Variants in MGAT4C observed in about 807,000 individuals in gnomAD.
MGAT4C encodes the protein alpha-1,3-mannosyl-glycoprotein 4-beta-N-acetylglucosaminyltransferase C.
In MGAT4C, 19 loss-of-function variants were observed where a neutral mutation model predicts 40.1. The observed-to-expected ratio is 0.47, with a 90% CI of 0.33 to 0.70. The LOEUF (loss-of-function observed/expected upper bound fraction) is 0.70. Ranked by LOEUF, MGAT4C falls within the 30% of genes least tolerant of loss-of-function variation. The pLI is 0.02. For synonymous variants in MGAT4C, 181 were observed against 187.1 expected (o/e 0.97, Z 0.27); for missense variants, 491 against 563.2 (o/e 0.87, Z 1.30).
chr12:86,463,834 C>A (rs1220373862), intron 2 of MGAT4C, among the ~76,000 whole-genome samples: 1 of 152,006 alleles, frequency 6.6e-6, no homozygotes, highest in African/African-American at 2.4e-5. Context: ...TCCATTTCTA[C>A]TGGGGATATT....
At chr12:86,078,666 G>A (rs1306081294) in intron 1 of MGAT4C, among the ~76,000 whole-genome samples, 1 of 152,174 alleles carries the variant, frequency 6.6e-6, no homozygotes. Flanking sequence ...GATGTAGCCA[G>A]GTCAGCCTTG....
intron 1 of MGAT4C, among the ~76,000 whole-genome samples, chr12:86,743,116 ATGTGTGTGTGTGTGTG>A (rs60215418): frequency 1.2e-4 from 18 of 144,486 alleles, no homozygotes; most frequent in African/African-American, 4.6e-4. Context: ...GTGTGTATGC[ATGTGTGTGTGTGTGTG>A]TGTGTGTGTG....
At chr12:86,751,129 C>G (rs1400289649) in intron 1 of MGAT4C, among the ~76,000 whole-genome samples, 1 of 152,094 alleles carries the variant, frequency 6.6e-6, no homozygotes, top group East Asian at 1.9e-4. Flanking sequence ...GGGTTCATCA[C>G]TGGTTTGAAA....
At chr12:86,709,798 A>T (rs914565643) in intron 2 of MGAT4C, among the ~76,000 whole-genome samples, 7 of 152,026 alleles carry the variant, frequency 4.6e-5, no homozygotes, top group African/African-American at 1.7e-4. Context: ...AATTATAATC[A>T]CCCTGAAGAG....
chr12:86,017,208 G>T (rs1003301572), intron 2 of MGAT4C, among the ~76,000 whole-genome samples: 1 of 152,144 alleles, frequency 6.6e-6, no homozygotes, highest in Non-Finnish European at 1.5e-5. Context: ...GTTTGAGTGT[G>T]TGTGTGTATG....
At chr12:86,053,990 G>C (rs1243090123) in intron 1 of MGAT4C, among the ~76,000 whole-genome samples, 1 of 151,936 alleles carries the variant, frequency 6.6e-6, no homozygotes, top group African/African-American at 2.4e-5. Flanking sequence ...TACACTGATG[G>C]TGGGGATGTA....
chr12:86,597,553 T>C (rs1439985158), intron 2 of MGAT4C, among the ~76,000 whole-genome samples: 1 of 152,204 alleles, frequency 6.6e-6, no homozygotes, highest in Non-Finnish European at 1.5e-5. Context: ...TTAACTTTTG[T>C]ATAGATAATA....
intron 1 of MGAT4C, among the ~76,000 whole-genome samples, chr12:86,155,695 C>T (rs1884850132): frequency 6.6e-6 from 1 of 151,914 alleles, no homozygotes; most frequent in Non-Finnish European, 1.5e-5. Context: ...TAGGTGAAAA[C>T]AATTATTTAT....
At chr12:86,750,736 T>C (rs764552891) in intron 1 of MGAT4C, among the ~76,000 whole-genome samples, 2 of 151,946 alleles carry the variant, frequency 1.3e-5, no homozygotes, top group South Asian at 2.1e-4. Context: ...CAAGTCGATA[T>C]AGAACAAGGA....
At chr12:86,540,117 A>T (rs930209752) in intron 2 of MGAT4C, among the ~76,000 whole-genome samples, 4 of 152,142 alleles carry the variant, frequency 2.6e-5, no homozygotes, top group African/African-American at 9.7e-5. Context: ...CCTGAATGGT[A>T]ATGCCTAGGT....
intron 2 of MGAT4C, among the ~76,000 whole-genome samples, chr12:86,483,786 G>C (rs1055773794): frequency 2.0e-5 from 3 of 147,630 alleles, no homozygotes; most frequent in Admixed American, 6.9e-5. Context: ...TGCCTTTCCA[G>C]CCATTCTCCC....
At chr12:86,339,399 A>C (rs958232070) in intron 3 of MGAT4C, among the ~76,000 whole-genome samples, 3 of 152,194 alleles carry the variant, frequency 2.0e-5, no homozygotes, top group African/African-American at 7.2e-5. Context: ...TGATGATATC[A>C]GAGTAGCTTC....
upstream of MGAT4C, among the ~76,000 whole-genome samples, chr12:86,257,165 G>T (rs1183463987): frequency 6.6e-6 from 1 of 152,136 alleles, no homozygotes; most frequent in Non-Finnish European, 1.5e-5. Flanking sequence ...TTCTTTTTGA[G>T]CACACACAGG....
chr12:86,524,675 A>G (rs1055620448), intron 2 of MGAT4C, among the ~76,000 whole-genome samples: 2 of 152,084 alleles, frequency 1.3e-5, no homozygotes, highest in African/African-American at 4.8e-5. Flanking sequence ...CAAATTGCTT[A>G]TACTCTCCCC....
chr12:86,080,754 T>TATTAA (rs931788629), intron 1 of MGAT4C, among the ~76,000 whole-genome samples: 5 of 152,148 alleles, frequency 3.3e-5, no homozygotes, highest in African/African-American at 1.2e-4. Context: ...AGGAGGGACT[T>TATTAA]ATTAACTGAA....
Position 86,580,089 on chromosome 12 carries a change from G to A in MGAT4C, c.-228-144824C>T, listed in dbSNP as rs544742409. ...CTTGGATATTGATATCTTTCTCTAG[G>A]TTTGGGATTAAAACTTATTTCTACC... On this transcript the variant is annotated intron_variant, in intron 2 of 7. Coordinates refer to the MGAT4C transcript ENST00000548651. Among the ~76,000 whole-genome samples, 3 of 151,368 alleles carry A rather than the reference G, an allele frequency of 2.0e-5. 1 individual carries two copies. Among genetic ancestry groups the A allele is most frequent in the African/African-American group, 7.3e-5 (3 of 41,376 alleles).
chr12:86,199,509 C>A (rs1380932839), intron 1 of MGAT4C, among the ~76,000 whole-genome samples: 1 of 151,896 alleles, frequency 6.6e-6, no homozygotes, highest in Non-Finnish European at 1.5e-5. Context: ...CAATAATAAG[C>A]ATATATTAAT....
At chr12:86,614,989 G>A (rs910017586) in intron 2 of MGAT4C, among the ~76,000 whole-genome samples, 1 of 151,854 alleles carries the variant, frequency 6.6e-6, no homozygotes, top group African/African-American at 2.4e-5. Context: ...TTCATAAGGT[G>A]TATTAGAGTA....
intron 2 of MGAT4C, among the ~76,000 whole-genome samples, chr12:86,451,552 A>G (rs1016109992): frequency 2.6e-5 from 4 of 152,004 alleles, no homozygotes; most frequent in Admixed American, 2.6e-4. Context: ...TGTACTTGGG[A>G]TTCTTGTAGC....
Sources: gnomAD v4.1 joint callset for allele counts (sites outside exome capture counted in the v4.1 genomes callset) on GRCh38, gnomAD v4.1.1 for gene constraint, MANE v1.5 for transcripts, NCBI Gene and HGNC (gene_info 2026-07-23, HGNC 2026-07-21) for gene names.